The following DOCK6 variants were observed in gnomAD, a reference collection of about 807,000 sequenced individuals.
DOCK6 encodes the protein dedicator of cytokinesis protein 6.
In DOCK6, 167 loss-of-function variants were observed where a neutral mutation model predicts 230.3. The observed-to-expected ratio is 0.73, with a 90% CI of 0.64 to 0.82. The LOEUF is 0.82. Ranked by LOEUF, DOCK6 falls within the 40% of genes least tolerant of loss-of-function variation. DOCK6 has a pLI of 0.00. For synonymous variants in DOCK6, 1,148 were observed against 1,185.0 expected, an observed-to-expected ratio of 0.97 and a Z score of 0.64; for missense variants, 2,598 against 2,825.8, an observed-to-expected ratio of 0.92 and a Z score of 1.83.
Position 11,237,650 on chromosome 19 carries a change from C to T in DOCK6, c.1962G>A (p.Val654=). 1 of 1,596,946 alleles carries T rather than the reference C, an allele frequency of 6.3e-7. No homozygotes were observed. Among genetic ancestry groups the T allele is most frequent in the Non-Finnish European group, 8.5e-7 (1 of 1,172,450 alleles). The change falls in exon 17 of 48, where the codon GTG becomes GTA. Residue 654 remains valine (V), a synonymous_variant. Coordinates refer to ENST00000294618, the MANE Select transcript of DOCK6 (RefSeq NM_020812.4). The stretch of plus-strand genomic sequence containing the variant: ...GGAGGGGACGGCTCACAGTAAAGCC[C>T]ACGGGTGTCTCCAGGGCAGTGCCCG... ...PRPGTALETP[V]GFTWIPLLQH...
At position 11,206,741 on chromosome 19, in the gene DOCK6, C is replaced by T. The variant is rs925884246; in HGVS notation, c.5088+1945G>A. Among the ~76,000 whole-genome samples, 12 of 151,612 alleles carry T rather than the reference C, an allele frequency of 7.9e-5. No homozygotes were observed. The South Asian group carries it at 1.9e-3, about 24-fold the overall frequency. ...AAGGATGACCATTAACTTGGCCACGCGGGATAAAAGTTTTATAAAAGGGTC... is the reference window on the plus strand; with the variant it reads ...AAGGATGACCATTAACTTGGCCACGTGGGATAAAAGTTTTATAAAAGGGTC... On this transcript the variant is annotated intron_variant, in intron 39 of 47. Coordinates refer to ENST00000294618, the MANE Select transcript of DOCK6 (RefSeq NM_020812.4).
chr19:11,258,424 TTCTCTC>T (rs574257638), intron 1 of DOCK6, among the ~76,000 whole-genome samples: 5 of 151,764 alleles, frequency 3.3e-5, no homozygotes, highest in African/African-American at 1.2e-4. Flanking sequence ...GCACTTTTCT[TTCTCTC>T]TCTCTCTCTT....
Position 11,208,837 on chromosome 19 carries a change from G to T in DOCK6, c.4945-8C>A. 6.2e-7 allele frequency: 1 copy of T among 1,610,468 alleles called. No homozygotes were observed. The highest frequency in any genetic ancestry group is 8.5e-7 in the Non-Finnish European group (1 of 1,177,072). ...CACGTTGGATGAGATGTTCTGGGGTGGGAGAGGTGGCGTCAGACCCTGGTC... is the reference window on the plus strand; with the variant it reads ...CACGTTGGATGAGATGTTCTGGGGTTGGAGAGGTGGCGTCAGACCCTGGTC... On this transcript the variant is annotated splice_region_variant and splice_polypyrimidine_tract_variant and intron_variant, in intron 38 of 47. Coordinates refer to ENST00000294618, the MANE Select transcript of DOCK6 (RefSeq NM_020812.4).
chr19:11,243,007 T>C lies in DOCK6; in HGVS notation c.1480+52A>G, dbSNP rs997198826. ...AGTAGGTGCTCTCAGTGTAGGTTTG[T>C]TGAGTGGCTGAGTGAGAGTGATACT... On this transcript the variant is annotated intron_variant, in intron 13 of 47. Transcript: ENST00000294618. This position sits in a 1 kb window ranked among gnomAD's most constrained non-coding sequence, Gnocchi z 6.3. 1.9e-6 allele frequency: 3 copies of C among 1,603,118 alleles called. No homozygotes were observed. The highest frequency in any genetic ancestry group is 2.6e-6 in the Non-Finnish European group (3 of 1,172,976).
intron 1 of DOCK6, among the ~76,000 whole-genome samples, chr19:11,258,443 T>C (rs1254755506): frequency 1.3e-5 from 2 of 151,978 alleles, no homozygotes; most frequent in Non-Finnish European, 2.9e-5. Context: ...TCTCTCTTTT[T>C]TTTTTTTCCT....
At chr19:11,205,394 G>A (rs147204314) in intron 39 of DOCK6, among the ~76,000 whole-genome samples, 44 of 152,024 alleles carry the variant, frequency 2.9e-4, no homozygotes, top group African/African-American at 9.2e-4. Flanking sequence ...GATGGCTGCA[G>A]TCCAGTGGTA....
rs2080124413 is a variant in DOCK6, at chr19:11,252,049, T to C, written c.507+70A>G. 5 of 1,553,854 alleles carry C rather than the reference T, an allele frequency of 3.2e-6. No individual in the cohort carries two copies. The African/African-American group carries it at 5.5e-5, about 17-fold the overall frequency. On this transcript the variant is annotated intron_variant, in intron 5 of 47. Coordinates refer to ENST00000294618, the MANE Select transcript of DOCK6 (RefSeq NM_020812.4). Reference sequence around the variant, plus strand: ...GCTGTTTGGGTCATTTCCTGTCACATGTGACCAAAAGCTGAGGCCGGAGCC... The same window carrying C: ...GCTGTTTGGGTCATTTCCTGTCACACGTGACCAAAAGCTGAGGCCGGAGCC...
rs766710726 is a variant in DOCK6, at chr19:11,252,234, C to G, written c.392G>C (p.Ser131Thr). 5.0e-6 allele frequency: 8 copies of G among 1,584,674 alleles called. No homozygotes were observed. In the South Asian group the frequency reaches 9.2e-5, roughly 18 times the overall value. ...TGTGGTGACGGGGCTGTATGCTGCA[C>G]TCAGGTACTGATACCTAGCAGGAAA... is the stretch of plus-strand genomic sequence containing the variant. ...VIVHRRYQYL[S>T]AAYSPVTTDT... The change falls in exon 5 of 48, where the codon AGT (serine) becomes ACT (threonine). Residue 131 changes from serine to threonine, a missense_variant. By Grantham distance (58) the Ser-to-Thr change is moderately conservative. Coordinates refer to ENST00000294618, the MANE Select transcript of DOCK6 (RefSeq NM_020812.4).
At chr19:11,252,452 C>A (rs752840152) in intron 4 of DOCK6, 30 bp downstream of exon 4, 3 of 1,612,940 alleles carry the variant, frequency 1.9e-6, no homozygotes, top group Admixed American at 3.3e-5. Context: ...GGGTTCCGAA[C>A]CCCCTGAGCT....
Position 11,238,215 on chromosome 19 carries a change from G to C in DOCK6, c.1733C>G (p.Thr578Arg). 1 of 1,613,778 alleles carries C rather than the reference G, an allele frequency of 6.2e-7. No homozygotes were observed. The highest frequency in any genetic ancestry group is 8.5e-7 in the Non-Finnish European group (1 of 1,179,746). The change falls in exon 15 of 48, where the codon ACA becomes AGA. Residue 578 changes from threonine to arginine, a missense_variant. By Grantham distance (71) the Thr-to-Arg change is moderately conservative. Coordinates refer to ENST00000294618, the MANE Select transcript of DOCK6 (RefSeq NM_020812.4). ...CAGAGCCTGGCTGGGGTCCTCGCCT[G>C]TCATGTACTGCACTCGCACAGCAAG... ...RNLAVRVQYM[T>R]GEDPSQALPV...
In DOCK6 at chr19:11,200,232, C is replaced by T. The variant is rs2079145713; in HGVS notation, c.6101+76G>A. 1 of 1,447,390 alleles carries T rather than the reference C, an allele frequency of 6.9e-7. No homozygotes were observed. The allele number at this position is 1,447,390 out of a possible 1,614,324, so 89.7% of individuals were successfully genotyped here. On this transcript the variant is annotated intron_variant, in intron 47 of 47. Coordinates refer to ENST00000294618, the MANE Select transcript of DOCK6 (RefSeq NM_020812.4). This position sits in a 1 kb window ranked among gnomAD's most constrained non-coding sequence, Gnocchi z 4.3. ...TGTTGCTGTGTATGTGTACAACAGC[C>T]CCCATCCTGTACCTGTCCTGGTCTG...
At chr19:11,214,673 G>C in intron 32 of DOCK6, 24 bp from the exon 33 acceptor site, 2 of 1,609,442 alleles carry the variant, frequency 1.2e-6, no homozygotes, top group Non-Finnish European at 1.7e-6. Context: ...GGAGGTCTTG[G>C]GGGCCCACTC....
In DOCK6 at chr19:11,222,262, G is replaced by A; in HGVS notation, c.3241-14C>T. 4 of 1,589,128 alleles carry A rather than the reference G, an allele frequency of 2.5e-6. No individual in the cohort carries two copies. The highest frequency in any genetic ancestry group is 3.4e-6 in the Non-Finnish European group (4 of 1,167,978). On this transcript the variant is annotated splice_polypyrimidine_tract_variant and intron_variant, in intron 26 of 47. Transcript: ENST00000294618. The surrounding 1 kb of genome is among the most constrained non-coding windows in gnomAD (Gnocchi z 4.0). ...GAAGGTGGAGCTCTGCAGAGTGGGG[G>A]AAAAATGGGGGATGCCAGCGGTCAA...
chr19:11,252,726 G>T, intron 3 of DOCK6, 57 bp downstream of exon 3: 3 of 1,595,140 alleles, frequency 1.9e-6, no homozygotes, highest in Non-Finnish European at 2.6e-6. Context: ...GGCTGTTGAT[G>T]GGGTTGGCAG....
At chr19:11,203,899 G>A in intron 41 of DOCK6, 182 bp downstream of exon 41, 1 of 738,988 alleles carries the variant, frequency 1.4e-6, no homozygotes, top group Non-Finnish European at 2.2e-6. Context: ...ATCTGGGGCG[G>A]GGGGTGGGGG....
At chr19:11,233,571 T>G (rs928607448) in intron 21 of DOCK6, among the ~76,000 whole-genome samples, 1 of 152,132 alleles carries the variant, frequency 6.6e-6, no homozygotes, top group Non-Finnish European at 1.5e-5. Flanking sequence ...CAGTGGCTCA[T>G]GCCTATAATC....
chr19:11,238,304 C>G lies in DOCK6; in HGVS notation c.1644G>C (p.Arg548Ser), dbSNP rs1335346084. ...TGTGCGGGTACACGTACAGCAGGTT[C>G]CTGTGGGGGGCAGGATGGGGGTGTC... ...REVYAPHTSY[R>S]NLLYVYPHSL... The change falls in exon 15 of 48, where the codon AGG becomes AGC. Residue 548 changes from arginine (R) to serine (S), a missense_variant and splice_region_variant. Transcript: ENST00000294618. 2 of 1,602,788 alleles carry G rather than the reference C, an allele frequency of 1.2e-6. No individual in the cohort carries two copies. The highest frequency in any genetic ancestry group is 2.2e-5 in the South Asian group (2 of 90,318).
At chr19:11,249,898 C>CAAAAA (rs1198954379) in intron 6 of DOCK6, among the ~76,000 whole-genome samples, 3 of 50,582 alleles carry the variant, frequency 5.9e-5, no homozygotes, top group African/African-American at 2.1e-4. Flanking sequence ...GACTCCATCT[C>CAAAAA]AAAAAAAAAA....
rs1218631433 is a variant in DOCK6, at chr19:11,209,035, T to C, written c.4820A>G (p.His1607Arg). 1 of 1,611,978 alleles carries C rather than the reference T, an allele frequency of 6.2e-7. No individual in the cohort carries two copies. The highest frequency in any genetic ancestry group is 8.5e-7 in the Non-Finnish European group (1 of 1,179,400). The change falls in exon 38 of 48, where the codon CAC (histidine) becomes CGC (arginine). Residue 1607 changes from histidine (H) to arginine (R), a missense_variant. Transcript: ENST00000294618. ...CTCGGCGTGGTTGCCCAGCTCCGCGTGCTTCCCGGCCATGTTCTGCAACCA... is the reference window on the plus strand; with the variant it reads ...CTCGGCGTGGTTGCCCAGCTCCGCGCGCTTCCCGGCCATGTTCTGCAACCA... ...LTWLQNMAGKHAELGNHAEAA... is the reference protein window; with the variant it reads ...LTWLQNMAGKRAELGNHAEAA...
Sources: gnomAD v4.1 joint callset for allele counts (sites outside exome capture counted in the v4.1 genomes callset) on GRCh38, gnomAD v4.1.1 for gene constraint, Gnocchi (gnomAD v3.1) non-coding constraint, MANE v1.5 for transcripts, NCBI Gene and HGNC (gene_info 2026-07-23, HGNC 2026-07-21) for gene names.